The following VAV3 variants were observed in gnomAD, a reference collection of about 807,000 sequenced individuals.
VAV3 encodes the protein vav guanine nucleotide exchange factor 3, also known as guanine nucleotide exchange factor VAV3.
A neutral mutation model predicts 131.2 loss-of-function variants in VAV3; 94 were observed. The observed-to-expected ratio is 0.72, with a 90% CI of 0.61 to 0.85. The LOEUF (loss-of-function observed/expected upper bound fraction) is 0.85. VAV3 is among the 40% of genes least tolerant of loss of function. The pLI, the probability that VAV3 is intolerant of heterozygous loss-of-function variation, is 0.00. For synonymous variants in VAV3, 349 were observed against 342.0 expected (o/e 1.02, Z -0.22); for missense variants, 939 against 1,002.7 (o/e 0.94, Z 0.86).
Position 107,814,593 on chromosome 1 carries a change from A to G in VAV3, c.322-35101T>C, listed in dbSNP as rs926092719. ...CTCCCATTCAACAAGCTGTCTCTTC[A>G]CTTTGTTTTCTTTGCTGTTTGGAAG... On this transcript the variant is annotated intron_variant, in intron 2 of 26. Transcript: ENST00000370056. Among the ~76,000 whole-genome samples the G allele has an allele frequency of 2.0e-5, 3 of 152,098 alleles. No individual in the cohort carries two copies. In the East Asian group the frequency reaches 5.8e-4, roughly 29 times the overall value.
intron 4 of VAV3, among the ~76,000 whole-genome samples, chr1:107,775,127 G>C (rs1201577590): frequency 6.6e-6 from 1 of 152,170 alleles, no homozygotes; most frequent in African/African-American, 2.4e-5. Context: ...TGGCATCTCA[G>C]AGCAGCCAAT....
At chr1:107,826,815 T>C (rs1302431867) in intron 2 of VAV3, among the ~76,000 whole-genome samples, 1 of 152,114 alleles carries the variant, frequency 6.6e-6, no homozygotes, top group African/African-American at 2.4e-5. Context: ...CCAGTATTAA[T>C]GTAAAGAAAG....
intron 4 of VAV3, among the ~76,000 whole-genome samples, chr1:107,774,048 C>T (rs1665198748): frequency 6.6e-6 from 1 of 152,006 alleles, no homozygotes. Context: ...TAAATTAGCA[C>T]AGACTTTTCT....
chr1:107,841,123 A>G (rs1263219829), intron 2 of VAV3, among the ~76,000 whole-genome samples: 5 of 152,124 alleles, frequency 3.3e-5, no homozygotes, highest in African/African-American at 1.2e-4. Context: ...CATTATATAC[A>G]CCAATAGTGA....
intron 2 of VAV3, among the ~76,000 whole-genome samples, chr1:107,859,432 AT>A (rs1669634253): frequency 1.3e-5 from 2 of 152,206 alleles, no homozygotes; most frequent in African/African-American, 4.8e-5. Flanking sequence ...AAAAGAGTAC[AT>A]TCCTTGTATT....
Position 107,964,795 on chromosome 1 carries a change from C to G in VAV3, c.75G>C (p.Trp25Cys), listed in dbSNP as rs776813052. 1.2e-6 allele frequency: 2 copies of G among 1,613,886 alleles called. No homozygotes were observed. Among genetic ancestry groups the G allele is most frequent in the African/African-American group, 1.3e-5 (1 of 74,918 alleles). The change falls in exon 1 of 27, where the codon TGG becomes TGC. Residue 25 changes from tryptophan (W) to cysteine (C), a missense_variant. Transcript: ENST00000370056. ...CAAGGTCGAACACCTGAGCCGAGTC[C>G]CAGGTCACCCGGTGGTTGGTGGGCA... ...KVLPTNHRVT[W>C]DSAQVFDLAQ...
intron 4 of VAV3, among the ~76,000 whole-genome samples, chr1:107,776,065 A>G (rs1308523209): frequency 6.6e-6 from 1 of 152,268 alleles, no homozygotes; most frequent in Non-Finnish European, 1.5e-5. Context: ...CTGTGAAGAT[A>G]TAATAACAAC....
At chr1:107,657,763 T>C (rs1656684109) in intron 19 of VAV3, among the ~76,000 whole-genome samples, 1 of 152,194 alleles carries the variant, frequency 6.6e-6, no homozygotes, top group African/African-American at 2.4e-5. Flanking sequence ...TTCTATTAAT[T>C]ATAAACATAA....
chr1:107,907,910 G>C (rs1439989759), intron 1 of VAV3, among the ~76,000 whole-genome samples: 3 of 152,196 alleles, frequency 2.0e-5, no homozygotes, highest in Admixed American at 6.5e-5. Context: ...AGTTTAGAAA[G>C]ATATGCGTTA....
intron 2 of VAV3, among the ~76,000 whole-genome samples, chr1:107,848,724 G>A (rs1669087993): frequency 1.3e-5 from 2 of 152,072 alleles, no homozygotes; most frequent in African/African-American, 2.4e-5. Flanking sequence ...TCCTGGACAG[G>A]GCAATCAGGA....
At position 107,857,976 on chromosome 1, in the gene VAV3, A is replaced by G. The variant is rs186098814; in HGVS notation, c.321+16925T>C. ...CTTTGGTGCAGATTTTATTTATGTA[A>G]CAAGTAATATATAGTAACAACATAG... is the stretch of plus-strand genomic sequence containing the variant. On this transcript the variant is annotated intron_variant, in intron 2 of 26. Transcript: ENST00000370056. 2.0e-5 allele frequency among the ~76,000 whole-genome samples: 3 copies of G among 152,354 alleles called. No individual in the cohort carries two copies. In the East Asian group the frequency reaches 5.8e-4, roughly 29 times the overall value.
intron 25 of VAV3, among the ~76,000 whole-genome samples, chr1:107,594,348 A>G (rs1231907381): frequency 2.0e-4 from 30 of 152,130 alleles, no homozygotes; most frequent in Admixed American, 1.9e-3. Context: ...TGTTTAATAT[A>G]TATCTGTTTA....
chr1:107,652,841 T>A (rs536365073), intron 19 of VAV3, among the ~76,000 whole-genome samples: 1 of 151,452 alleles, frequency 6.6e-6, no homozygotes, highest in African/African-American at 2.4e-5. Context: ...TCCAAAAAAA[T>A]AAAATTGTTT....
intron 5 of VAV3, among the ~76,000 whole-genome samples, chr1:107,772,041 C>T (rs1452131928): frequency 6.6e-6 from 1 of 152,086 alleles, no homozygotes; most frequent in African/African-American, 2.4e-5. Context: ...ACTGTGGAAA[C>T]AAAAATTACC....
At chr1:107,954,304 A>G (rs1674693647) in intron 1 of VAV3, among the ~76,000 whole-genome samples, 1 of 152,222 alleles carries the variant, frequency 6.6e-6, no homozygotes, top group Non-Finnish European at 1.5e-5. Flanking sequence ...TGACTCCAGA[A>G]CAGAGCATTA....
At chr1:107,805,430 T>C (rs2102314410) in intron 2 of VAV3, among the ~76,000 whole-genome samples, 1 of 152,290 alleles carries the variant, frequency 6.6e-6, no homozygotes. Context: ...GCCTGAGCAA[T>C]TGTGCTGTTG....
intron 15 of VAV3, among the ~76,000 whole-genome samples, chr1:107,724,697 G>A (rs1661720482): frequency 6.6e-6 from 1 of 152,086 alleles, no homozygotes; most frequent in Non-Finnish European, 1.5e-5. Flanking sequence ...ATGTTCCCTA[G>A]CACACCTCAG....
chr1:107,681,881 C>T (rs1309691926), intron 19 of VAV3, among the ~76,000 whole-genome samples: 4 of 152,014 alleles, frequency 2.6e-5, no homozygotes. Context: ...AGGATGGTCT[C>T]CATCTCCTGA....
intron 1 of VAV3, among the ~76,000 whole-genome samples, chr1:107,956,396 C>G (rs148451025): frequency 6.6e-6 from 1 of 152,128 alleles, no homozygotes; most frequent in Non-Finnish European, 1.5e-5. Context: ...GATTGAGAAT[C>G]CTCAGCAGCT....
Sources: allele counts gnomAD v4.1 joint callset (sites outside exome capture counted in the v4.1 genomes callset), GRCh38; gene constraint gnomAD v4.1.1; transcripts MANE v1.5; gene names NCBI Gene and HGNC (gene_info 2026-07-23, HGNC 2026-07-21).